A2ML1: variants seen among roughly 807,000 people sequenced by gnomAD.
A2ML1 encodes alpha-2-macroglobulin like 1.
A2ML1 carries 161 observed loss-of-function variants against 181.9 expected under a neutral mutation model. That is an observed-to-expected ratio of 0.89 (90% CI 0.78 to 1.01). The LOEUF (loss-of-function observed/expected upper bound fraction) is 1.01, where lower values mean the gene tolerates loss of function less well. A2ML1 is among the 50% of genes least tolerant of loss of function. The pLI is 0.00. For synonymous variants in A2ML1, 663 were observed against 666.8 expected (o/e 0.99, Z 0.09); for missense variants, 1,670 against 1,768.1 (o/e 0.94, Z 1.00).
chr12:8,856,845 G>A (rs1011398373), intron 23 of A2ML1, among the ~76,000 whole-genome samples: 8 of 151,602 alleles, frequency 5.3e-5, no homozygotes, highest in Admixed American at 4.6e-4. Flanking sequence ...GTTTTTTTGA[G>A]GGTAGAGACC....
intron 3 of A2ML1, among the ~76,000 whole-genome samples, chr12:8,828,069 C>T (rs762102159): frequency 1.3e-5 from 2 of 152,224 alleles, no homozygotes; most frequent in African/African-American, 4.8e-5. Context: ...CAGCACCGTA[C>T]TGTGTCTCAC....
At chr12:8,886,681 G>T (rs1188852423) in exon 8 of A2ML1, 1 of 152,062 alleles carries the variant, frequency 6.6e-6, no homozygotes, top group Non-Finnish European at 1.5e-5. Flanking sequence ...CTGGACTTTT[G>T]CCCATAGTGG....
chr12:8,883,708 C>T (rs1048434964), intron 7 of A2ML1, among the ~76,000 whole-genome samples: 10 of 152,074 alleles, frequency 6.6e-5, no homozygotes, highest in Middle Eastern at 3.4e-3. Flanking sequence ...AAACTCCTGA[C>T]CTCAGGTGAT....
At position 8,847,245 on chromosome 12, in the gene A2ML1, T is replaced by TAAA. The variant is rs569093906; in HGVS notation, c.1684-287_1684-285dup. Among the ~76,000 whole-genome samples, 20 of 121,784 alleles carry TAAA rather than the reference T, an allele frequency of 1.6e-4. 1 individual carries two copies. The highest frequency in any genetic ancestry group is 9.3e-4 in the South Asian group (3 of 3,222). 79.9% of individuals were successfully genotyped at this position (121,784 alleles called of 152,430 possible). A position where few individuals can be genotyped will look rare whatever the true frequency, so the allele number is the denominator to read the frequency against. On this transcript the variant is annotated intron_variant, in intron 14 of 35. Coordinates refer to ENST00000299698, the MANE Select transcript of A2ML1 (RefSeq NM_144670.6). Reference sequence around the variant, plus strand: ...ATTACAGGCATGACCCTGTCTCTATTAAAAAAAAAAAAAAAAAAAGCCATA... The same window carrying TAAA: ...ATTACAGGCATGACCCTGTCTCTATTAAAAAAAAAAAAAAAAAAAAAAGCCATA...
At chr12:8,860,385 A>C (rs554695750) in intron 26 of A2ML1, among the ~76,000 whole-genome samples, 2 of 152,188 alleles carry the variant, frequency 1.3e-5, no homozygotes, top group Non-Finnish European at 2.9e-5. Flanking sequence ...TCTTATTTAT[A>C]GAATGAGGAT....
At chr12:8,849,963 G>C (rs1229062272) in intron 17 of A2ML1, among the ~76,000 whole-genome samples, 197 bp from the exon 18 acceptor site, 2 of 152,004 alleles carry the variant, frequency 1.3e-5, no homozygotes, top group African/African-American at 4.8e-5. Flanking sequence ...TCCATTCCCC[G>C]GCCAAACCTC....
At chr12:8,848,954 G>A in intron 16 of A2ML1, 40 bp downstream of exon 16, 7 of 1,582,402 alleles carry the variant, frequency 4.4e-6, no homozygotes, top group South Asian at 1.2e-5. Flanking sequence ...GGGAAAGATG[G>A]TGGTGGGAAT....
chr12:8,874,502 C>T lies in A2ML1; in HGVS notation c.4299C>T (p.Ile1433=). ...VLVTNLKPAT[I]KVYDYYLPDE... ...TCACCAACTTGAAACCAGCAACCAT[C>T]AAGGTCTATGACTACTACCTACCAG... Residue 1433 remains isoleucine (I), a synonymous_variant, in exon 34 of 36, where the codon ATC becomes ATT. Coordinates refer to ENST00000299698, the MANE Select transcript of A2ML1 (RefSeq NM_144670.6). The T allele has an allele frequency of 6.2e-7, 1 of 1,613,974 alleles. No individual in the cohort carries two copies.
Position 8,850,158 on chromosome 12 carries a change from A to C in A2ML1, c.2120-2A>C, listed in dbSNP as rs201096838. ...AAGTTTTCGTATTCTCAATTTCATC[A>C]GCAGGCGGTGGTCATCCAGAGGCTT... On this transcript the variant is annotated splice_acceptor_variant, in intron 17 of 35. Transcript: ENST00000299698. LOFTEE classifies it high-confidence loss of function. 7 of 1,595,390 alleles carry C rather than the reference A, an allele frequency of 4.4e-6. No homozygotes were observed. The highest frequency in any genetic ancestry group is 6.0e-6 in the Non-Finnish European group (7 of 1,174,886).
At chr12:8,866,826 T>C (rs1181844335) in intron 29 of A2ML1, among the ~76,000 whole-genome samples, 2 of 151,994 alleles carry the variant, frequency 1.3e-5, no homozygotes, top group Non-Finnish European at 2.9e-5. Flanking sequence ...ATTTGTGAGA[T>C]GAAGAAATCG....
Position 8,829,727 on chromosome 12 carries a change from T to A in A2ML1, c.410T>A (p.Val137Glu), listed in dbSNP as rs746295330. The A allele has an allele frequency of 1.2e-6, 2 of 1,611,690 alleles. No homozygotes were observed. The highest frequency in any genetic ancestry group is 2.2e-5 in the South Asian group (2 of 90,960). Reference protein sequence around the residue: ...DKPLYTPGQQVYFRIVTMDSN... With the variant: ...DKPLYTPGQQEYFRIVTMDSN... ...GCTAATGATGCCTGTTCCTTTCCAG[T>A]GTATTTCCGCATTGTCACCATGGAT... The change falls in exon 4 of 36, where the codon GTG (valine) becomes GAG (glutamate). Residue 137 changes from valine (V) to glutamate (E), a missense_variant and splice_region_variant. Transcript: ENST00000299698.
At chr12:8,871,308 C>T (rs769297093) in intron 33 of A2ML1, among the ~76,000 whole-genome samples, 7 of 152,266 alleles carry the variant, frequency 4.6e-5, no homozygotes, top group African/African-American at 1.7e-4. Flanking sequence ...GTGTGCACTC[C>T]AAAAGAACAT....
intron 4 of A2ML1, among the ~76,000 whole-genome samples, chr12:8,831,340 T>C (rs931323962): frequency 3.3e-5 from 5 of 152,186 alleles, no homozygotes; most frequent in African/African-American, 1.2e-4. Flanking sequence ...AGCACTATTT[T>C]AGACTCACTT....
rs747543554 is a variant in A2ML1, at chr12:8,863,914, C to G, written c.3623C>G (p.Pro1208Arg). The change falls in exon 29 of 36, where the codon CCC (proline) becomes CGC (arginine). Residue 1208 changes from proline to arginine, a missense_variant. By Grantham distance (103) the Pro-to-Arg change is moderately radical. Coordinates refer to ENST00000299698, the MANE Select transcript of A2ML1 (RefSeq NM_144670.6). ...AYALLAQLTK[P>R]SLTQKEIAKA... Reference sequence around the variant, plus strand: ...GCATTGTTGGCCCAGCTTACCAAGCCCAGCCTGACTCAAAAGGAGATAGCG... The same window carrying G: ...GCATTGTTGGCCCAGCTTACCAAGCGCAGCCTGACTCAAAAGGAGATAGCG... 6.8e-6 allele frequency: 11 copies of G among 1,614,146 alleles called. No homozygotes were observed. The South Asian group carries it at 1.2e-4, about 18-fold the overall frequency.
intron 10 of A2ML1, 65 bp from the exon 11 acceptor site, chr12:8,841,304 A>C: frequency 6.8e-7 from 1 of 1,466,414 alleles, no homozygotes; most frequent in South Asian, 1.3e-5. Context: ...CTAATATTTC[A>C]CTTTACCTCA....
chr12:8,837,549 A>G lies in A2ML1; in HGVS notation c.838A>G (p.Arg280Gly). The G allele has an allele frequency of 6.2e-7, 1 of 1,613,458 alleles. No individual in the cohort carries two copies. ...VEREQLPDKC[R>G]NLSGQTDKTG... ...ACGGGAACAGCTTCCTGACAAATGC[A>G]GGAACCTCTCTGGACAGGTGAGTAA... Residue 280 changes from arginine to glycine, a missense_variant, in exon 8 of 36, where the codon AGG (arginine) becomes GGG (glycine). By Grantham distance (125) the Arg-to-Gly change is moderately radical (BLOSUM62 -2). Transcript: ENST00000299698.
intron 14 of A2ML1, among the ~76,000 whole-genome samples, chr12:8,847,292 A>G (rs1943725238): frequency 6.7e-6 from 1 of 148,260 alleles, no homozygotes. Context: ...CATGTTCTAT[A>G]TAGTTATTCC....
At chr12:8,860,841 G>C in intron 26 of A2ML1, 40 bp from the exon 27 acceptor site, 1 of 1,567,194 alleles carries the variant, frequency 6.4e-7, no homozygotes, top group African/African-American at 1.4e-5. Flanking sequence ...TGCAGCTGCT[G>C]CCTGCTGCCC....
At position 8,823,030 on chromosome 12, in the gene A2ML1, C is replaced by T. The variant is rs1328912247; in HGVS notation, c.63-152C>T. 13 of 778,992 alleles carry T rather than the reference C, an allele frequency of 1.7e-5. No homozygotes were observed. In the East Asian group the frequency reaches 3.3e-4, roughly 20 times the overall value. 48.3% of individuals were successfully genotyped at this position (778,992 alleles called of 1,614,324 possible). The stretch of plus-strand genomic sequence containing the variant: ...TTGAAGACTGTGCACTGAGTCGTTG[C>T]CCCTCTGCTTCTTGTAGAAAATGAG... On this transcript the variant is annotated intron_variant, in intron 1 of 35. Coordinates refer to ENST00000299698, the MANE Select transcript of A2ML1 (RefSeq NM_144670.6).
Sources: allele counts gnomAD v4.1 joint callset (sites outside exome capture counted in the v4.1 genomes callset), GRCh38; gene constraint gnomAD v4.1.1; transcripts MANE v1.5; gene names NCBI Gene and HGNC (gene_info 2026-07-23, HGNC 2026-07-21).